Variants in SND1 observed in about 807,000 individuals in gnomAD.
The protein encoded by SND1 is staphylococcal nuclease and tudor domain containing 1.
In SND1, 38 loss-of-function variants were observed where a neutral mutation model predicts 121.7. That is an observed-to-expected ratio of 0.31 (90% CI 0.24 to 0.41). The LOEUF (loss-of-function observed/expected upper bound fraction) is 0.41. Among genes scored for constraint, SND1 ranks in the 10% least tolerant of loss-of-function variants. SND1 has a pLI of 1.00. For synonymous variants in SND1, 401 were observed against 447.4 expected, an observed-to-expected ratio of 0.90 and a Z score of 1.31; for missense variants, 868 against 1,184.6, an observed-to-expected ratio of 0.73 and a Z score of 3.92.
At chr7:127,754,671 C>A (rs1407642984) in intron 10 of SND1, among the ~76,000 whole-genome samples, 2 of 152,226 alleles carry the variant, frequency 1.3e-5, no homozygotes, top group Non-Finnish European at 2.9e-5. Context: ...GGGTACTGAA[C>A]ACTACATGGC....
At chr7:127,916,951 A>C (rs188752979) in intron 14 of SND1, among the ~76,000 whole-genome samples, 1 of 152,202 alleles carries the variant, frequency 6.6e-6, no homozygotes, top group Admixed American at 6.5e-5. Flanking sequence ...GATGGCGTCT[A>C]TGTAGTTTTG....
chr7:127,706,259 C>CA (rs33938734), intron 8 of SND1, among the ~76,000 whole-genome samples: 2 of 72,926 alleles, frequency 2.7e-5, no homozygotes, highest in African/African-American at 1.3e-4. Context: ...CCCTCCCCCC[C>CA]CCCACCTTTT....
intron 16 of SND1, among the ~76,000 whole-genome samples, chr7:128,042,024 G>A (rs1444465707): frequency 6.6e-6 from 1 of 152,102 alleles, no homozygotes; most frequent in African/African-American, 2.4e-5. Context: ...GGATCTGAGG[G>A]GTCTCCTACC....
intron 16 of SND1, among the ~76,000 whole-genome samples, chr7:128,036,620 A>G (rs1273658968): frequency 6.6e-6 from 1 of 152,252 alleles, no homozygotes; most frequent in African/African-American, 2.4e-5. Flanking sequence ...CAAACGGTAA[A>G]GAGATAGAAT....
chr7:127,771,653 T>C (rs1797514824), intron 10 of SND1, among the ~76,000 whole-genome samples: 1 of 152,152 alleles, frequency 6.6e-6, no homozygotes, highest in Non-Finnish European at 1.5e-5. Flanking sequence ...TACACATACA[T>C]ACACATAGCT....
intron 9 of SND1, among the ~76,000 whole-genome samples, chr7:127,716,572 G>A (rs1312816110): frequency 6.7e-6 from 1 of 150,216 alleles, no homozygotes; most frequent in Non-Finnish European, 1.5e-5. Context: ...GCTACTTCAT[G>A]AATTCATTTA....
intron 16 of SND1, among the ~76,000 whole-genome samples, chr7:128,040,350 T>C (rs1350106466): frequency 6.7e-6 from 1 of 150,122 alleles, no homozygotes; most frequent in African/African-American, 2.5e-5. Flanking sequence ...GGGGAATTGC[T>C]TGAGCCTGGG....
intron 7 of SND1, among the ~76,000 whole-genome samples, chr7:127,704,582 TACTCCTATTAAGTG>T (rs1386130063): frequency 6.6e-5 from 10 of 152,234 alleles, no homozygotes; most frequent in Admixed American, 3.9e-4. Context: ...GCATTTATCC[TACTCCTATTAAGTG>T]AGTTATTATG....
At chr7:128,007,151 G>T (rs949682209) in intron 16 of SND1, among the ~76,000 whole-genome samples, 1 of 151,934 alleles carries the variant, frequency 6.6e-6, no homozygotes, top group Non-Finnish European at 1.5e-5. Context: ...CAGGACAATT[G>T]TTTTTTTTCC....
chr7:127,696,294 C>T (rs1474706041), intron 3 of SND1, among the ~76,000 whole-genome samples: 9 of 152,046 alleles, frequency 5.9e-5, no homozygotes, highest in Admixed American at 4.6e-4. Context: ...GCATCTTGTT[C>T]GATTTCCTAC....
intron 14 of SND1, among the ~76,000 whole-genome samples, chr7:127,906,405 T>C (rs966767443): frequency 2.0e-5 from 3 of 152,220 alleles, no homozygotes; most frequent in African/African-American, 7.2e-5. Context: ...TTGCTAATAT[T>C]TTTATGTATG....
rs377382974 is a variant in SND1 at position 128,087,185 on chromosome 7, G to T, written c.2418+134G>T. 2.2e-5 allele frequency: 15 copies of T among 689,618 alleles called. No homozygotes were observed. In the African/African-American group the frequency reaches 2.7e-4, roughly 12 times the overall value. The allele number at this position is 689,618 out of a possible 1,614,324, so 42.7% of individuals were successfully genotyped here. A position where few individuals can be genotyped will look rare whatever the true frequency, so the allele number is the denominator to read the frequency against. ...AGTAATAGTACTCAAGAGATGGGAA[G>T]TTGAGGAAGATGCCACCGAGGAGGT... On this transcript the variant is annotated intron_variant, in intron 21 of 23. Transcript: ENST00000354725.
intron 15 of SND1, among the ~76,000 whole-genome samples, chr7:127,977,158 C>A (rs1435536638): frequency 6.6e-6 from 1 of 152,202 alleles, no homozygotes; most frequent in Non-Finnish European, 1.5e-5. Context: ...GGGATGCTCC[C>A]TGTTGCACAC....
At chr7:127,755,518 T>C (rs1278516704) in intron 10 of SND1, among the ~76,000 whole-genome samples, 1 of 152,230 alleles carries the variant, frequency 6.6e-6, no homozygotes, top group Non-Finnish European at 1.5e-5. Context: ...ATCTGTCTTG[T>C]TTCAGACACC....
intron 16 of SND1, among the ~76,000 whole-genome samples, chr7:128,043,632 G>T (rs1792894443): frequency 6.6e-6 from 1 of 150,918 alleles, no homozygotes; most frequent in Admixed American, 6.6e-5. Flanking sequence ...GAATGGTGGT[G>T]CTGACAGGCC....
intron 16 of SND1, among the ~76,000 whole-genome samples, chr7:128,074,011 C>T (rs1357447088): frequency 6.6e-6 from 1 of 152,208 alleles, no homozygotes; most frequent in East Asian, 1.9e-4. Flanking sequence ...CTCTCCCCCT[C>T]TCCTCTCCTG....
chr7:127,890,114 G>A (rs767197907), intron 13 of SND1, among the ~76,000 whole-genome samples: 9 of 151,908 alleles, frequency 5.9e-5, no homozygotes, highest in South Asian at 2.1e-4. Context: ...ACTTTTCCCC[G>A]TAGTGGTTGT....
chr7:127,819,067 C>T (rs2116600291), intron 11 of SND1, among the ~76,000 whole-genome samples: 1 of 152,276 alleles, frequency 6.6e-6, no homozygotes, highest in South Asian at 2.1e-4. Context: ...TGTTTGACAC[C>T]TCTAATTCCT....
intron 11 of SND1, among the ~76,000 whole-genome samples, chr7:127,833,713 A>G (rs936382351): frequency 3.3e-5 from 5 of 152,248 alleles, no homozygotes; most frequent in Non-Finnish European, 5.9e-5. Context: ...AGGCAGATAC[A>G]TAAAATAAAA....
Sources: gnomAD v4.1 joint callset for allele counts (sites outside exome capture counted in the v4.1 genomes callset) on GRCh38, gnomAD v4.1.1 for gene constraint, MANE v1.5 for transcripts, NCBI Gene and HGNC (gene_info 2026-07-23, HGNC 2026-07-21) for gene names.